Variants in HNRNPF observed in about 807,000 individuals in gnomAD.
HNRNPF encodes HnRNP F protein.
In HNRNPF, 2 loss-of-function variants were observed where a neutral mutation model predicts 26.0. That is an observed-to-expected ratio of 0.08 (90% CI 0.03 to 0.24). HNRNPF has a LOEUF of 0.24. Ranked by LOEUF, HNRNPF falls within the 10% of genes least tolerant of loss-of-function variation. The pLI, the probability that HNRNPF is intolerant of heterozygous loss-of-function variation, is 1.00. For synonymous variants in HNRNPF, 234 were observed against 211.5 expected, an observed-to-expected ratio of 1.11 and a Z score of -0.92; for missense variants, 299 against 539.2, an observed-to-expected ratio of 0.55 and a Z score of 4.41.
rs202057619 is a variant in HNRNPF, at chr10:43,404,296, G to GTC, written c.-247+4833_-247+4834dup. Among the ~76,000 whole-genome samples, 532 of 91,406 alleles carry GTC rather than the reference G, an allele frequency of 5.8e-3. 3 individuals are homozygous for GTC. Among genetic ancestry groups the GTC allele is most frequent in the African/African-American group, 0.017 (473 of 27,446 alleles). 60.0% of individuals were successfully genotyped at this position (91,406 alleles called of 152,430 possible). On this transcript the variant is annotated intron_variant, in intron 1 of 3. Transcript: ENST00000682386. ...AGCCTGGGTGACAGAGTGAGAATCC[G>GTC]TCTATAAAAAAAAAAAAAAAGGAAA...
Position 43,386,519 on chromosome 10 carries a change from T to C in HNRNPF, c.*118A>G, listed in dbSNP as rs1435473931. ...TGAAGAGGTAATTTTTTAATCCAGA[T>C]TTTTCACAAACTCATGGTGCAAAAT... On this transcript the variant is annotated 3_prime_UTR_variant, in exon 4 of 4. Transcript: ENST00000682386. The C allele has an allele frequency of 7.2e-5, 73 of 1,020,194 alleles. No homozygotes were observed. Among genetic ancestry groups the C allele is most frequent in the Non-Finnish European group, 1.0e-4 (73 of 729,570 alleles). 63.2% of individuals were successfully genotyped at this position (1,020,194 alleles called of 1,614,324 possible).
intron 1 of HNRNPF, among the ~76,000 whole-genome samples, chr10:43,404,202 C>T (rs936328879): frequency 6.0e-5 from 9 of 149,520 alleles, no homozygotes; most frequent in African/African-American, 2.0e-4. Context: ...CAGCTGCTCA[C>T]GAGCCTGAGA....
intron 2 of HNRNPF, among the ~76,000 whole-genome samples, chr10:43,395,161 T>TG (rs1311814557): frequency 6.6e-6 from 1 of 151,604 alleles, no homozygotes; most frequent in East Asian, 1.9e-4. Flanking sequence ...GGGAGATGGG[T>TG]GGGGGAGAAG....
intron 1 of HNRNPF, among the ~76,000 whole-genome samples, chr10:43,400,600 C>T (rs1838722029): frequency 6.6e-6 from 1 of 152,072 alleles, no homozygotes; most frequent in Admixed American, 6.6e-5. Context: ...TTATAAAATT[C>T]CTATTCAGTC....
chr10:43,399,258 T>A (rs1305741393), intron 1 of HNRNPF, among the ~76,000 whole-genome samples: 2 of 152,092 alleles, frequency 1.3e-5, no homozygotes, highest in Non-Finnish European at 2.9e-5. Flanking sequence ...AATTTTTTTT[T>A]TAATTTTTTA....
chr10:43,398,839 A>G (rs1838658018), intron 1 of HNRNPF, among the ~76,000 whole-genome samples: 1 of 152,098 alleles, frequency 6.6e-6, no homozygotes, highest in Non-Finnish European at 1.5e-5. Flanking sequence ...TGTAAAACTG[A>G]GAGAAAGCAA....
chr10:43,404,817 C>T (rs1230212406), intron 1 of HNRNPF, among the ~76,000 whole-genome samples: 1 of 152,062 alleles, frequency 6.6e-6, no homozygotes. Flanking sequence ...ACCAAAACTC[C>T]GTCTCAAAAA....
intron 1 of HNRNPF, among the ~76,000 whole-genome samples, chr10:43,401,086 A>G (rs1272803441): frequency 6.6e-6 from 1 of 152,076 alleles, no homozygotes; most frequent in Non-Finnish European, 1.5e-5. Context: ...CGTCTCAAAA[A>G]AAAAAAAGAC....
chr10:43,391,274 C>T (rs1372098337), intron 3 of HNRNPF, among the ~76,000 whole-genome samples: 1 of 143,274 alleles, frequency 7.0e-6, no homozygotes, highest in Admixed American at 7.0e-5. Context: ...GCCTGGGCGA[C>T]AGTGCAAGAC....
intron 1 of HNRNPF, chr10:43,408,582 A>C (rs966309932): frequency 4.6e-5 from 7 of 152,046 alleles, no homozygotes; most frequent in Non-Finnish European, 1.0e-4. Context: ...CCCAGTCCCC[A>C]GGTAGTCCGG....
chr10:43,403,661 C>T (rs935230969), intron 1 of HNRNPF, among the ~76,000 whole-genome samples: 1 of 152,096 alleles, frequency 6.6e-6, no homozygotes, highest in Non-Finnish European at 1.5e-5. Flanking sequence ...TATAGAGGTA[C>T]TTTTTTAATG....
At chr10:43,393,331 C>CA (rs1838329094) in intron 3 of HNRNPF, among the ~76,000 whole-genome samples, 1 of 152,196 alleles carries the variant, frequency 6.6e-6, no homozygotes. Flanking sequence ...CGCAGTGGCT[C>CA]ATGCCTGTAA....
intron 2 of HNRNPF, among the ~76,000 whole-genome samples, chr10:43,395,882 C>A (rs1347213312): frequency 6.6e-6 from 1 of 152,206 alleles, no homozygotes; most frequent in Non-Finnish European, 1.5e-5. Context: ...CTGTAGACCA[C>A]GGCCACTGCG....
intron 3 of HNRNPF, among the ~76,000 whole-genome samples, chr10:43,391,679 T>C (rs1838254578): frequency 6.6e-6 from 1 of 152,178 alleles, no homozygotes; most frequent in Non-Finnish European, 1.5e-5. Flanking sequence ...CAGGAGTTTG[T>C]AAGCACGTAG....
At chr10:43,406,053 T>C (rs1838908622) in intron 1 of HNRNPF, among the ~76,000 whole-genome samples, 1 of 152,130 alleles carries the variant, frequency 6.6e-6, no homozygotes, top group Non-Finnish European at 1.5e-5. Context: ...ATGGGGCTAA[T>C]AGCAAGCCCT....
In HNRNPF at chr10:43,386,829, C is replaced by A; in HGVS notation, c.1056G>T (p.Met352Ile). ...AGAAGAGTTCTATATATCTGTGCTG[C>A]ATATTGGCCCTGTCTTTGGACATAG... ...VAAMSKDRAN[M>I]QHRYIELFLN... The change falls in exon 4 of 4, where the codon ATG (methionine) becomes ATT (isoleucine). Residue 352 changes from methionine (M) to isoleucine (I), a missense_variant. Met to Ile is a conservative substitution (Grantham distance 10). Coordinates refer to ENST00000682386, the MANE Select transcript of HNRNPF (RefSeq NM_001098204.2). 6.2e-7 allele frequency: 1 copy of A among 1,614,170 alleles called. No homozygotes were observed. Among genetic ancestry groups the A allele is most frequent in the East Asian group, 2.2e-5 (1 of 44,884 alleles).
In HNRNPF at chr10:43,403,505, A is replaced by C. The variant is rs1042061474; in HGVS notation, c.-247+5626T>G. On this transcript the variant is annotated intron_variant, in intron 1 of 3. Coordinates refer to ENST00000682386, the MANE Select transcript of HNRNPF (RefSeq NM_001098204.2). ...TTTCACTCAAGAACTCAGATGCAAA[A>C]GTCCAAACCAAGTATCAGTCAACCT... 7.9e-5 allele frequency among the ~76,000 whole-genome samples: 12 copies of C among 152,320 alleles called. No individual in the cohort carries two copies. The South Asian group carries it at 1.9e-3, about 24-fold the overall frequency.
At position 43,385,948 on chromosome 10, in the gene HNRNPF, A is replaced by G. The variant is rs1474047135; in HGVS notation, c.*689T>C. ...ATGAAATTTTTAAATTCACACTAAA[A>G]TACATTACGATTAAAATGAATTATC... On this transcript the variant is annotated 3_prime_UTR_variant, in exon 4 of 4. Coordinates refer to ENST00000682386, the MANE Select transcript of HNRNPF (RefSeq NM_001098204.2). The G allele has an allele frequency of 8.5e-5, 13 of 152,676 alleles. No homozygotes were observed. The highest frequency in any genetic ancestry group is 3.3e-4 in the Admixed American group (5 of 15,276). The allele number at this position is 152,676 out of a possible 1,614,324, so 9.5% of individuals were successfully genotyped here.
At chr10:43,395,690 C>T (rs1838462195) in intron 2 of HNRNPF, among the ~76,000 whole-genome samples, 1 of 152,194 alleles carries the variant, frequency 6.6e-6, no homozygotes, top group Admixed American at 6.5e-5. Context: ...CTTCAACAAT[C>T]CGACTTGTTC....
Sources: allele counts gnomAD v4.1 joint callset (sites outside exome capture counted in the v4.1 genomes callset), GRCh38; gene constraint gnomAD v4.1.1; transcripts MANE v1.5; gene names NCBI Gene and HGNC (gene_info 2026-07-23, HGNC 2026-07-21).